The following FAM53C variants were observed in gnomAD, a reference collection of about 807,000 sequenced individuals.
FAM53C encodes the protein family with sequence similarity 53 member C.
Under a neutral mutation model 34.7 loss-of-function variants are expected in FAM53C, and 10 were observed. The ratio of observed to expected loss-of-function variants is 0.29; its 90% CI spans 0.18 to 0.49. The LOEUF is 0.49. FAM53C is among the 20% of genes least tolerant of loss of function. The pLI, the probability that FAM53C is intolerant of heterozygous loss-of-function variation, is 0.99. For synonymous variants in FAM53C, 203 were observed against 203.6 expected (o/e 1.00, Z 0.03); for missense variants, 442 against 515.3 (o/e 0.86, Z 1.38).
chr5:138,338,761 T>C (rs1055814229), intron 1 of FAM53C, among the ~76,000 whole-genome samples: 8 of 151,998 alleles, frequency 5.3e-5, no homozygotes, highest in South Asian at 2.1e-4. Flanking sequence ...CAGAACCATA[T>C]GGAAGAAGAG....
chr5:138,343,016 T>TC (rs1159081665), intron 3 of FAM53C: 1 of 138,226 alleles, frequency 7.2e-6, no homozygotes, highest in African/African-American at 2.7e-5. Context: ...AAAGCAAGAC[T>TC]CCATCTCAAA....
chr5:138,337,741 T>C (rs1014086126), upstream of FAM53C: 7 of 345,526 alleles, frequency 2.0e-5, no homozygotes, highest in Non-Finnish European at 3.9e-5. Context: ...CAGGCCCTAA[T>C]CCGCGCTTGG....
In FAM53C at chr5:138,338,310, A is replaced by AGGT. The variant is rs1561738712; in HGVS notation, c.-153+9_-153+11dup. The stretch of plus-strand genomic sequence containing the variant: ...CCCTGGGAGCTGGAGGAACCGCGGT[A>AGGT]GGTGGTGGAGGGCAGGTGGCGCTGG... On this transcript the variant is annotated splice_donor_region_variant and intron_variant, in intron 1 of 4. Transcript: ENST00000239906. The AGGT allele has an allele frequency of 1.9e-6, 1 of 532,224 alleles. No homozygotes were observed. The highest frequency in any genetic ancestry group is 1.5e-5 in the South Asian group (1 of 65,610). The allele number at this position is 532,224 out of a possible 1,614,324, so 33.0% of individuals were successfully genotyped here.
chr5:138,343,233 G>C (rs1262023863), intron 3 of FAM53C, among the ~76,000 whole-genome samples: 1 of 151,898 alleles, frequency 6.6e-6, no homozygotes, highest in African/African-American at 2.4e-5. Context: ...TAGTGGGCCA[G>C]ACGTGGTGAC....
intron 1 of FAM53C, among the ~76,000 whole-genome samples, chr5:138,340,483 A>C (rs1761004925): frequency 6.6e-6 from 1 of 152,200 alleles, no homozygotes; most frequent in Non-Finnish European, 1.5e-5. Context: ...TCAGAAGTTG[A>C]CCACGAGAAA....
Position 138,338,273 on chromosome 5 carries a change from C to G in FAM53C, c.-187C>G. The stretch of plus-strand genomic sequence containing the variant: ...GGGGCGAACCGAGCGCTCAGAGCTG[C>G]TCCGGCCGCGGCCCTGGGAGCTGGA... On this transcript the variant is annotated 5_prime_UTR_variant, in exon 1 of 5. Transcript: ENST00000239906. 1 of 948,458 alleles carries G rather than the reference C, an allele frequency of 1.1e-6. No individual in the cohort carries two copies. The highest frequency in any genetic ancestry group is 1.5e-6 in the Non-Finnish European group (1 of 678,068). 58.8% of individuals were successfully genotyped at this position (948,458 alleles called of 1,614,324 possible).
chr5:138,343,891 T>A (rs2126888210), intron 3 of FAM53C: 1 of 152,354 alleles, frequency 6.6e-6, no homozygotes, highest in Non-Finnish European at 1.5e-5. Context: ...AGGGAAGAAC[T>A]ATAGACCAAA....
At chr5:138,338,956 A>C (rs941474971) in intron 1 of FAM53C, among the ~76,000 whole-genome samples, 9 of 152,190 alleles carry the variant, frequency 5.9e-5, no homozygotes, top group Non-Finnish European at 1.2e-4. Flanking sequence ...GCATCCCTGA[A>C]ACAGGAGTGT....
Position 138,345,377 on chromosome 5 carries a change from G to C in FAM53C, c.689G>C (p.Arg230Pro). The C allele has an allele frequency of 6.2e-7, 1 of 1,614,032 alleles. No homozygotes were observed. Among genetic ancestry groups the C allele is most frequent in the Non-Finnish European group, 8.5e-7 (1 of 1,180,012 alleles). Reference protein sequence around the residue: ...ESLSPCPPQRRFSLSPSLGPQ... With the variant: ...ESLSPCPPQRPFSLSPSLGPQ... ...TTGTCACCTTGCCCACCTCAGCGCCGCTTCTCCCTGTCACCCAGTCTGGGC... is the reference window on the plus strand; with the variant it reads ...TTGTCACCTTGCCCACCTCAGCGCCCCTTCTCCCTGTCACCCAGTCTGGGC... Residue 230 changes from arginine to proline, a missense_variant, in exon 4 of 5, where the codon CGC (arginine) becomes CCC (proline). Arg to Pro is a moderately radical substitution (Grantham distance 103). Transcript: ENST00000239906. This position sits in a 1 kb window ranked among gnomAD's most constrained non-coding sequence, Gnocchi z 6.3.
rs1209288806 is a variant in FAM53C at position 138,341,265 on chromosome 5, G to A, written c.-71G>A. 1.5e-6 allele frequency: 2 copies of A among 1,310,064 alleles called. No individual in the cohort carries two copies. The highest frequency in any genetic ancestry group is 3.4e-5 in the Admixed American group (2 of 59,582). The allele number at this position is 1,310,064 out of a possible 1,614,324, so 81.2% of individuals were successfully genotyped here. A position where few individuals can be genotyped will look rare whatever the true frequency, so the allele number is the denominator to read the frequency against. ...TGGCAGAAGACGGCTCACAAGTGAG[G>A]TCTGGAAGAACAACAGGGAAGACAT... On this transcript the variant is annotated 5_prime_UTR_variant, in exon 2 of 5. Transcript: ENST00000239906.
upstream of FAM53C, chr5:138,337,868 G>A (rs944364228): frequency 2.0e-5 from 18 of 914,006 alleles, no homozygotes; most frequent in Non-Finnish European, 2.7e-5. Flanking sequence ...GGGCACTGTG[G>A]CTAATTGCGT....
rs1441609511 is a variant in FAM53C, at chr5:138,345,769, G to A, written c.921+160G>A. Among the ~76,000 whole-genome samples the A allele has an allele frequency of 1.3e-5, 2 of 152,210 alleles. No homozygotes were observed. The highest frequency in any genetic ancestry group is 2.9e-5 in the Non-Finnish European group (2 of 68,042). ...TGACCTACCATCCCAGTTTGCCTGGGACTGTCCCAGTGTTAGCACTGAAAG... is the reference window on the plus strand; with the variant it reads ...TGACCTACCATCCCAGTTTGCCTGGAACTGTCCCAGTGTTAGCACTGAAAG... On this transcript the variant is annotated intron_variant, in intron 4 of 4. Transcript: ENST00000239906. This position sits in a 1 kb window ranked among gnomAD's most constrained non-coding sequence, Gnocchi z 6.3.
intron 3 of FAM53C, among the ~76,000 whole-genome samples, chr5:138,344,542 G>T (rs1007225310): frequency 1.1e-4 from 16 of 152,204 alleles, no homozygotes; most frequent in African/African-American, 3.9e-4. Context: ...CAGGTAGTTG[G>T]TCACAATGGA....
chr5:138,345,087 G>A lies in FAM53C; in HGVS notation c.399G>A (p.Val133=), dbSNP rs990460515. Residue 133 remains valine (V), a synonymous_variant, in exon 4 of 5, where the codon GTG becomes GTA. Transcript: ENST00000239906. This position sits in a 1 kb window ranked among gnomAD's most constrained non-coding sequence, Gnocchi z 6.3. The part of the protein sequence containing the change: ...VPVDLSRWQP[V]WRPAPSKLWT... The stretch of plus-strand genomic sequence containing the variant: ...TGGACCTGTCTCGCTGGCAGCCGGT[G>A]TGGCGGCCCGCCCCCTCCAAGCTGT... The A allele has an allele frequency of 2.5e-6, 4 of 1,613,938 alleles. No homozygotes were observed. The highest frequency in any genetic ancestry group is 3.4e-6 in the Non-Finnish European group (4 of 1,179,886).
intron 1 of FAM53C, among the ~76,000 whole-genome samples, chr5:138,339,066 G>A (rs1325168557): frequency 2.0e-5 from 3 of 152,132 alleles, no homozygotes; most frequent in East Asian, 1.9e-4. Flanking sequence ...GTTAGGTCTG[G>A]TGGGGTTGCT....
intron 4 of FAM53C, among the ~76,000 whole-genome samples, chr5:138,346,063 T>G (rs1251616068): frequency 6.6e-6 from 1 of 152,216 alleles, no homozygotes; most frequent in Non-Finnish European, 1.5e-5. Flanking sequence ...TAGACAAATG[T>G]TTTTTGACTT....
rs1434891222 is a variant in FAM53C at position 138,345,334 on chromosome 5, G to A, written c.646G>A (p.Glu216Lys). 2 of 1,614,208 alleles carry A rather than the reference G, an allele frequency of 1.2e-6. No homozygotes were observed. Among genetic ancestry groups the A allele is most frequent in the South Asian group, 2.2e-5 (2 of 91,086 alleles). ...CAASPQSGSW[E>K]SDAESLSPCP... Reference sequence around the variant, plus strand: ...CGCCTCCCCTCAAAGTGGCTCCTGGGAGAGTGATGCTGAGTCCTTGTCACC... The same window carrying A: ...CGCCTCCCCTCAAAGTGGCTCCTGGAAGAGTGATGCTGAGTCCTTGTCACC... The change falls in exon 4 of 5, where the codon GAG becomes AAG. Residue 216 changes from glutamate to lysine, a missense_variant. By Grantham distance (56) the Glu-to-Lys change is moderately conservative. Transcript: ENST00000239906. This position sits in a 1 kb window ranked among gnomAD's most constrained non-coding sequence, Gnocchi z 6.3.
rs773165338 is a variant in FAM53C at position 138,345,488 on chromosome 5, A to G, written c.800A>G (p.Asn267Ser). ...ELPWRPRGLRNLPRSRSQPCD... is the reference protein window; with the variant it reads ...ELPWRPRGLRSLPRSRSQPCD... The stretch of plus-strand genomic sequence containing the variant: ...CCCTGGCGACCTCGAGGTCTCCGCA[A>G]CCTTCCCCGAAGCCGCTCACAGCCT... The change falls in exon 4 of 5, where the codon AAC becomes AGC. Residue 267 changes from asparagine to serine, a missense_variant. Physicochemically the swap from Asn to Ser is conservative, Grantham distance 46. Transcript: ENST00000239906. The surrounding 1 kb of genome is among the most constrained non-coding windows in gnomAD (Gnocchi z 6.3). 2.4e-5 allele frequency: 38 copies of G among 1,613,774 alleles called. No homozygotes were observed. In the Admixed American group the frequency reaches 5.0e-4, roughly 21 times the overall value.
At chr5:138,338,242 C>CA (rs1561738158), upstream of FAM53C, 3 of 1,174,414 alleles carry the variant, frequency 2.6e-6, no homozygotes, top group South Asian at 3.8e-5. Flanking sequence ...CTTTTAAGGG[C>CA]ACCGTGGGGC....
Sources: gnomAD v4.1 joint callset for allele counts (sites outside exome capture counted in the v4.1 genomes callset) on GRCh38, gnomAD v4.1.1 for gene constraint, Gnocchi (gnomAD v3.1) non-coding constraint, MANE v1.5 for transcripts, NCBI Gene and HGNC (gene_info 2026-07-23, HGNC 2026-07-21) for gene names.